The following PCDH15 variants were observed in gnomAD, a reference collection of about 807,000 sequenced individuals.
PCDH15 encodes the protein protocadherin related 15.
A neutral mutation model predicts 178.5 loss-of-function variants in PCDH15; 129 were observed. That is an observed-to-expected ratio of 0.72 (90% confidence interval 0.63 to 0.84). PCDH15 has a LOEUF of 0.84. Among genes scored for constraint, PCDH15 ranks in the 40% least tolerant of loss-of-function variants. The pLI is 0.00. For synonymous variants in PCDH15, 800 were observed against 732.0 expected (o/e 1.09, Z -1.50); for missense variants, 2,230 against 2,099.9 (o/e 1.06, Z -1.21).
chr10:55,300,519 A>T (rs1039499933), intron 1 of PCDH15, among the ~76,000 whole-genome samples: 1 of 152,332 alleles, frequency 6.6e-6, no homozygotes, highest in East Asian at 1.9e-4. Flanking sequence ...TTATAGAAGC[A>T]TAAGGAAACT....
At chr10:54,942,690 T>G (rs950070341) in intron 2 of PCDH15, among the ~76,000 whole-genome samples, 5 of 152,030 alleles carry the variant, frequency 3.3e-5, no homozygotes, top group African/African-American at 1.2e-4. Flanking sequence ...AAGGCTTACC[T>G]TTACAACTTC....
intron 2 of PCDH15, among the ~76,000 whole-genome samples, chr10:54,602,878 T>G (rs2092600005): frequency 6.6e-6 from 1 of 152,002 alleles, no homozygotes; most frequent in African/African-American, 2.4e-5. Context: ...TTGTATTTTA[T>G]TGAGCATTTC....
At chr10:54,992,553 C>T (rs540449422) in intron 2 of PCDH15, among the ~76,000 whole-genome samples, 7 of 152,112 alleles carry the variant, frequency 4.6e-5, no homozygotes, top group Admixed American at 1.3e-4. Context: ...GAGATTGAGA[C>T]CAGCCTGGCT....
chr10:53,823,304 T>G (rs779162594), intron 32 of PCDH15: 1 of 1,614,006 alleles, frequency 6.2e-7, no homozygotes, highest in Non-Finnish European at 8.5e-7. Context: ...GTTTCCTGTC[T>G]TCTGAGACTG....
At chr10:54,217,656 A>G (rs567596634) in intron 9 of PCDH15, among the ~76,000 whole-genome samples, 521 of 152,312 alleles carry the variant, frequency 3.4e-3, no homozygotes, top group Non-Finnish European at 4.5e-3. Context: ...AATGCATACA[A>G]CACAGCTCTG....
At chr10:54,908,719 G>A (rs559483411) in intron 2 of PCDH15, among the ~76,000 whole-genome samples, 4 of 152,304 alleles carry the variant, frequency 2.6e-5, no homozygotes, top group Non-Finnish European at 4.4e-5. Flanking sequence ...TTCTGTAAAC[G>A]GTGTCCTGGA....
At chr10:54,967,782 C>T (rs1056985373) in intron 2 of PCDH15, among the ~76,000 whole-genome samples, 2 of 152,128 alleles carry the variant, frequency 1.3e-5, no homozygotes, top group African/African-American at 2.4e-5. Context: ...AGTCTAGAAG[C>T]TCAAGACCAT....
intron 3 of PCDH15, among the ~76,000 whole-genome samples, chr10:54,466,433 G>A (rs2136580279): frequency 6.6e-6 from 1 of 151,932 alleles, no homozygotes; most frequent in Non-Finnish European, 1.5e-5. Context: ...TGAAGAGGGT[G>A]TATTTTCCCT....
intron 32 of PCDH15, chr10:53,825,154 A>AGGT: frequency 6.5e-7 from 1 of 1,537,864 alleles, no homozygotes; most frequent in Non-Finnish European, 8.8e-7. Context: ...ATGTATCCAC[A>AGGT]GGTGAGAAAC....
At chr10:53,950,959 C>T (rs931312895) in intron 23 of PCDH15, among the ~76,000 whole-genome samples, 3 of 152,130 alleles carry the variant, frequency 2.0e-5, no homozygotes, top group African/African-American at 7.2e-5. Flanking sequence ...CACAATTGGT[C>T]AAGGTCCCAG....
At chr10:55,389,198 A>G (rs1837733650) in intron 2 of PCDH15, among the ~76,000 whole-genome samples, 1 of 152,046 alleles carries the variant, frequency 6.6e-6, no homozygotes, top group Admixed American at 6.6e-5. Flanking sequence ...GGGTGAGGAG[A>G]GTCGAAGAAA....
intron 2 of PCDH15, among the ~76,000 whole-genome samples, chr10:55,086,194 A>G (rs1442011851): frequency 1.3e-5 from 2 of 152,024 alleles, no homozygotes; most frequent in African/African-American, 4.8e-5. Flanking sequence ...CTTTCCAGGG[A>G]ATAATTATTT....
chr10:54,138,357 C>T (rs72797052), intron 14 of PCDH15, among the ~76,000 whole-genome samples: 4,473 of 152,042 alleles, frequency 0.029, 86 homozygotes, highest in Middle Eastern at 0.082. Context: ...GTTGGTCAAG[C>T]CCAACCAGTA....
intron 2 of PCDH15, among the ~76,000 whole-genome samples, chr10:54,975,375 G>C (rs1185186504): frequency 6.6e-6 from 1 of 152,108 alleles, no homozygotes. Flanking sequence ...TGTATGCATA[G>C]TCTAGAAGAG....
intron 1 of PCDH15, among the ~76,000 whole-genome samples, chr10:55,226,701 G>T (rs2460275): frequency 0.44 from 67,522 of 151,836 alleles, 15,090 homozygotes; most frequent in South Asian, 0.48. Flanking sequence ...TAAAGAAAAA[G>T]GTTACTTGTA....
At chr10:55,317,154 T>C (rs1412980858) in intron 1 of PCDH15, among the ~76,000 whole-genome samples, 2 of 152,174 alleles carry the variant, frequency 1.3e-5, no homozygotes, top group Non-Finnish European at 2.9e-5. Context: ...AACTGAGCCT[T>C]AATTTCAACA....
chr10:55,014,092 A>G (rs1268648287), intron 2 of PCDH15, among the ~76,000 whole-genome samples: 2 of 152,154 alleles, frequency 1.3e-5, no homozygotes, highest in Non-Finnish European at 2.9e-5. Flanking sequence ...GAAACTGTAT[A>G]CTATCATTAA....
chr10:54,442,868 T>C (rs1011367363), intron 3 of PCDH15, among the ~76,000 whole-genome samples: 10 of 151,548 alleles, frequency 6.6e-5, no homozygotes, highest in Non-Finnish European at 1.3e-4. Flanking sequence ...TTGTTTATTG[T>C]ATCTAAATTA....
intron 3 of PCDH15, among the ~76,000 whole-genome samples, chr10:54,460,226 A>T (rs1231159782): frequency 6.6e-6 from 1 of 152,086 alleles, no homozygotes; most frequent in African/African-American, 2.4e-5. Context: ...TTTATTTGAT[A>T]AAGTTTTACT....
Sources: allele counts gnomAD v4.1 joint callset (sites outside exome capture counted in the v4.1 genomes callset), GRCh38; gene constraint gnomAD v4.1.1; transcripts MANE v1.5; gene names NCBI Gene and HGNC (gene_info 2026-07-23, HGNC 2026-07-21).